PFKFB4: variants seen among roughly 807,000 people sequenced by gnomAD.
The protein encoded by PFKFB4 is 6-phosphofructo-2-kinase/fructose-2,6-bisphosphatase 4.
PFKFB4 carries 42 observed loss-of-function variants against 62.8 expected under a neutral mutation model. That is an observed-to-expected ratio of 0.67 (90% CI 0.52 to 0.86). PFKFB4 has a LOEUF of 0.86. Among genes scored for constraint, PFKFB4 ranks in the 40% least tolerant of loss-of-function variants. The pLI, the probability that PFKFB4 is intolerant of heterozygous loss-of-function variation, is 0.00. For synonymous variants in PFKFB4, 204 were observed against 240.7 expected, an observed-to-expected ratio of 0.85 and a Z score of 1.41; for missense variants, 475 against 627.2, an observed-to-expected ratio of 0.76 and a Z score of 2.59.
chr3:48,532,342 A>G (rs1309571354), intron 9 of PFKFB4, among the ~76,000 whole-genome samples: 1 of 152,128 alleles, frequency 6.6e-6, no homozygotes, highest in African/African-American at 2.4e-5. Flanking sequence ...AATAATAAAA[A>G]CAGAATTACC....
chr3:48,517,928 CCA>C lies in PFKFB4; in HGVS notation c.*1817_*1818del. The C allele has an allele frequency of 6.5e-6, 1 of 152,682 alleles. No individual in the cohort carries two copies. Among genetic ancestry groups the C allele is most frequent in the South Asian group, 2.1e-4 (1 of 4,830 alleles). The allele number at this position is 152,682 out of a possible 1,614,324, so 9.5% of individuals were successfully genotyped here. A position where few individuals can be genotyped will look rare whatever the true frequency, so the allele number is the denominator to read the frequency against. ...CCCTGGATGTCCCTCTACCCTGTCC[CCA>C]GTCCTCGTAATGCATCCAGTCCAGC... On this transcript the variant is annotated 3_prime_UTR_variant, in exon 14 of 14. Coordinates refer to ENST00000232375, the MANE Select transcript of PFKFB4 (RefSeq NM_004567.4).
upstream of PFKFB4, among the ~76,000 whole-genome samples, chr3:48,561,377 A>G (rs990222179): frequency 6.6e-6 from 1 of 152,216 alleles, no homozygotes; most frequent in African/African-American, 2.4e-5. This position sits in a 1 kb window ranked among gnomAD's most constrained non-coding sequence, Gnocchi z 5.2. Context: ...GTCTGCCTTC[A>G]TGTCCACCTA....
upstream of PFKFB4, among the ~76,000 whole-genome samples, chr3:48,560,305 C>A (rs1208805108): frequency 2.0e-5 from 3 of 152,226 alleles, no homozygotes; most frequent in Non-Finnish European, 4.4e-5. Context: ...TATCTCTCCA[C>A]CCCCAGCCCT....
upstream of PFKFB4, chr3:48,557,054 G>A: frequency 4.8e-6 from 5 of 1,038,140 alleles, no homozygotes; most frequent in South Asian, 1.9e-5. Flanking sequence ...GCTCAACTCC[G>A]GATTGTACTG....
chr3:48,559,414 C>T (rs369475880), upstream of PFKFB4: 43 of 417,568 alleles, frequency 1.0e-4, 1 homozygote, highest in East Asian at 1.7e-3. Context: ...GATCACAAAG[C>T]GAGTCCACAG....
upstream of PFKFB4, among the ~76,000 whole-genome samples, chr3:48,558,466 G>A (rs1048481835): frequency 6.6e-6 from 1 of 152,248 alleles, no homozygotes; most frequent in Non-Finnish European, 1.5e-5. Flanking sequence ...GGCCTCGTGG[G>A]CTATAGGTGT....
Position 48,523,589 on chromosome 3 carries a change from G to C in PFKFB4, c.1233C>G (p.Pro411=), listed in dbSNP as rs373487813. Residue 411 remains proline (P), a synonymous_variant, in exon 12 of 14, where the codon CCC becomes CCG. Coordinates refer to ENST00000232375, the MANE Select transcript of PFKFB4 (RefSeq NM_004567.4). ...CTGTGTGCAGCGGACACTTGAGGTA[G>C]GGCAGCTGTTCTGTAGACACAGAGG... ...YFLDKAAEQL[P]YLKCPLHTVL... 3.0e-5 allele frequency: 49 copies of C among 1,614,170 alleles called. No homozygotes were observed. Among genetic ancestry groups the C allele is most frequent in the Non-Finnish European group, 4.2e-5 (49 of 1,180,016 alleles).
chr3:48,523,648 A>T, intron 11 of PFKFB4, 49 bp from the exon 12 acceptor site: 1 of 1,614,088 alleles, frequency 6.2e-7, no homozygotes. Context: ...GCCTGGTGAC[A>T]GTGCCTACCT....
chr3:48,532,057 A>T (rs998294174), intron 9 of PFKFB4, among the ~76,000 whole-genome samples: 1 of 152,240 alleles, frequency 6.6e-6, no homozygotes, highest in African/African-American at 2.4e-5. Context: ...CTGTAATCCC[A>T]GCACTCTGGG....
chr3:48,537,306 C>G (rs13091944), intron 7 of PFKFB4, among the ~76,000 whole-genome samples: 1 of 151,976 alleles, frequency 6.6e-6, no homozygotes, highest in South Asian at 2.1e-4. Flanking sequence ...CAACAGAAGC[C>G]GCTCCAGACA....
At chr3:48,552,591 T>C (rs1390307210) in intron 1 of PFKFB4, among the ~76,000 whole-genome samples, 6 of 152,224 alleles carry the variant, frequency 3.9e-5, no homozygotes, top group Non-Finnish European at 4.4e-5. Flanking sequence ...GCATTGTGCA[T>C]TGTTTGCATA....
At position 48,551,606 on chromosome 3, in the gene PFKFB4, T is replaced by G. The variant is rs546870608; in HGVS notation, c.98-1372A>C. ...CCCAGGCTGGAGTGCTGGAGGACAC[T>G]GGTACCCAGCTCACTGCAACCTCTG... On this transcript the variant is annotated intron_variant, in intron 1 of 13. Coordinates refer to ENST00000232375, the MANE Select transcript of PFKFB4 (RefSeq NM_004567.4). Among the ~76,000 whole-genome samples the G allele has an allele frequency of 4.9e-4, 60 of 121,244 alleles. 1 individual carries two copies. The highest frequency in any genetic ancestry group is 1.8e-3 in the African/African-American group (58 of 31,720). The allele number at this position is 121,244 out of a possible 152,430, so 79.5% of individuals were successfully genotyped here. A position where few individuals can be genotyped will look rare whatever the true frequency, so the allele number is the denominator to read the frequency against.
At chr3:48,536,621 T>C (rs1308293866) in intron 7 of PFKFB4, 158 bp from the exon 8 acceptor site, 2 of 618,760 alleles carry the variant, frequency 3.2e-6, no homozygotes, top group Non-Finnish European at 5.7e-6. Context: ...GTGATGGGGG[T>C]GAGGCGGGAG....
intron 3 of PFKFB4, among the ~76,000 whole-genome samples, chr3:48,544,157 G>A (rs942550284): frequency 4.6e-5 from 7 of 151,826 alleles, no homozygotes; most frequent in East Asian, 1.9e-4. Context: ...GATTACAGGC[G>A]TGCACCACCA....
In PFKFB4 at chr3:48,539,840, G is replaced by A. The variant is rs2042746745; in HGVS notation, c.379-69C>T. On this transcript the variant is annotated intron_variant, in intron 4 of 13. Coordinates refer to ENST00000232375, the MANE Select transcript of PFKFB4 (RefSeq NM_004567.4). ...GGAAGGGGCCAGAGTGGGCCCTGAA[G>A]TGGGCAGTGAGGGCCGCAGCACAGG... 1.7e-5 allele frequency: 22 copies of A among 1,289,256 alleles called. No homozygotes were observed. In the South Asian group the frequency reaches 2.6e-4, roughly 15 times the overall value. 79.9% of individuals were successfully genotyped at this position (1,289,256 alleles called of 1,614,324 possible).
rs915548428 is a variant in PFKFB4, at chr3:48,552,357, G to A, written c.98-2123C>T. Among the ~76,000 whole-genome samples, 8 of 152,372 alleles carry A rather than the reference G, an allele frequency of 5.3e-5. No homozygotes were observed. The East Asian group carries it at 1.5e-3, about 29-fold the overall frequency. ...CAGGCAGGCCCTGCAGAGAAACAAA[G>A]GGCCTTGCTTGCCAGTGGGGGCTCC... On this transcript the variant is annotated intron_variant, in intron 1 of 13. Transcript: ENST00000232375.
At chr3:48,524,318 C>A (rs1480917655) in intron 10 of PFKFB4, among the ~76,000 whole-genome samples, 2 of 152,204 alleles carry the variant, frequency 1.3e-5, no homozygotes, top group Non-Finnish European at 2.9e-5. Flanking sequence ...CCTATGCCTG[C>A]CGTGATGTAC....
intron 1 of PFKFB4, among the ~76,000 whole-genome samples, chr3:48,553,063 A>AG (rs2043203946): frequency 6.6e-6 from 1 of 152,234 alleles, no homozygotes; most frequent in Non-Finnish European, 1.5e-5. Flanking sequence ...CACAACAAGG[A>AG]GGGAACACAT....
rs934926708 is a variant in PFKFB4, at chr3:48,518,849, A to G, written c.*898T>C. The G allele has an allele frequency of 1.6e-4, 25 of 152,096 alleles. No individual in the cohort carries two copies. The highest frequency in any genetic ancestry group is 6.0e-4 in the African/African-American group (25 of 41,532). 9.4% of individuals were successfully genotyped at this position (152,096 alleles called of 1,614,324 possible). A position where few individuals can be genotyped will look rare whatever the true frequency, so the allele number is the denominator to read the frequency against. ...GCAACAGGGGAGAGGCCGCCTCCCC[A>G]TTGGCTGCCAGTGTCCACAGCCAGG... On this transcript the variant is annotated 3_prime_UTR_variant, in exon 14 of 14. Transcript: ENST00000232375.
Sources: gnomAD v4.1 joint callset for allele counts (sites outside exome capture counted in the v4.1 genomes callset) on GRCh38, gnomAD v4.1.1 for gene constraint, Gnocchi (gnomAD v3.1) non-coding constraint, MANE v1.5 for transcripts, NCBI Gene and HGNC (gene_info 2026-07-23, HGNC 2026-07-21) for gene names.